Variants in TENM3 observed in about 807,000 individuals in gnomAD.
TENM3 encodes teneurin transmembrane protein 3, also known as teneurin-3.
Under a neutral mutation model 255.1 loss-of-function variants are expected in TENM3, and 63 were observed. The ratio of observed to expected loss-of-function variants is 0.25; its 90% CI spans 0.20 to 0.30. The LOEUF is 0.30. Among genes scored for constraint, TENM3 ranks in the 10% least tolerant of loss-of-function variants. The pLI is 1.00. For synonymous variants in TENM3, 1,306 were observed against 1,322.3 expected (o/e 0.99, Z 0.27); for missense variants, 2,929 against 3,461.1 (o/e 0.85, Z 3.86).
At chr4:181,450,473 C>T in the TENM3 span, among the ~76,000 whole-genome samples, 2 of 152,112 alleles carry the variant, frequency 1.3e-5, no homozygotes, top group Non-Finnish European at 2.9e-5. Flanking sequence ...TGAAAAAGGG[C>T]ATCTGCTCCT....
the TENM3 span, among the ~76,000 whole-genome samples, chr4:181,882,621 G>C: frequency 6.6e-6 from 1 of 152,200 alleles, no homozygotes; most frequent in African/African-American, 2.4e-5. Flanking sequence ...ACCTGGCATT[G>C]AAGACCTTCT....
intron 5 of TENM3, among the ~76,000 whole-genome samples, chr4:182,651,757 G>T (rs2152512640): frequency 6.6e-6 from 1 of 152,132 alleles, no homozygotes; most frequent in South Asian, 2.1e-4. Context: ...ACTTTAGCAG[G>T]GAGTGTGACT....
the TENM3 span, among the ~76,000 whole-genome samples, chr4:182,078,398 T>C: frequency 6.6e-6 from 1 of 152,112 alleles, no homozygotes; most frequent in African/African-American, 2.4e-5. Context: ...GGTGTGCACC[T>C]TTAGTCCCAG....
intron 3 of TENM3, among the ~76,000 whole-genome samples, chr4:182,526,455 A>C (rs1293821010): frequency 6.6e-6 from 1 of 152,002 alleles, no homozygotes; most frequent in Non-Finnish European, 1.5e-5. Context: ...AATCAAACAC[A>C]CGACTCTCTC....
At chr4:181,903,310 A>C in the TENM3 span, among the ~76,000 whole-genome samples, 1 of 152,216 alleles carries the variant, frequency 6.6e-6, no homozygotes, top group East Asian at 1.9e-4. Context: ...ACAACCTTGG[A>C]GGAAAGAACA....
At chr4:182,051,215 C>T in the TENM3 span, among the ~76,000 whole-genome samples, 4 of 151,642 alleles carry the variant, frequency 2.6e-5, no homozygotes, top group South Asian at 6.2e-4. Context: ...TGATGGCAAG[C>T]GCCTGTAATC....
upstream of TENM3, among the ~76,000 whole-genome samples, chr4:182,238,662 A>G (rs1000613583): frequency 2.0e-5 from 3 of 151,364 alleles, no homozygotes; most frequent in Non-Finnish European, 4.4e-5. Context: ...TAAGTGAAGG[A>G]ATGTTTCCCT....
At chr4:181,757,455 C>T in the TENM3 span, among the ~76,000 whole-genome samples, 3 of 152,106 alleles carry the variant, frequency 2.0e-5, no homozygotes, top group Admixed American at 6.6e-5. Flanking sequence ...AGCCTGAAAT[C>T]GTCAGGGTGC....
the TENM3 span, among the ~76,000 whole-genome samples, chr4:182,049,751 C>T: frequency 4.6e-5 from 7 of 152,148 alleles, no homozygotes; most frequent in Non-Finnish European, 8.8e-5. Flanking sequence ...ATCTCGGCAT[C>T]GGCGACAGCT....
the TENM3 span, among the ~76,000 whole-genome samples, chr4:181,715,394 A>T: frequency 6.6e-6 from 1 of 152,164 alleles, no homozygotes; most frequent in South Asian, 2.1e-4. Context: ...TACTATTGGG[A>T]TACATTCCTC....
At chr4:182,517,645 A>C (rs1738133838) in intron 3 of TENM3, among the ~76,000 whole-genome samples, 1 of 129,926 alleles carries the variant, frequency 7.7e-6, no homozygotes, top group African/African-American at 2.9e-5. Context: ...GGCCTCCCAA[A>C]GTGCTGGGAT....
intron 6 of TENM3, among the ~76,000 whole-genome samples, chr4:182,663,025 T>G (rs1754357643): frequency 6.6e-6 from 1 of 152,214 alleles, no homozygotes; most frequent in African/African-American, 2.4e-5. Flanking sequence ...TCAGTGGATC[T>G]TGCAGAGAAA....
At chr4:181,777,045 G>A in the TENM3 span, among the ~76,000 whole-genome samples, 1 of 151,962 alleles carries the variant, frequency 6.6e-6, no homozygotes, top group Non-Finnish European at 1.5e-5. Context: ...CTTCCTTCTA[G>A]TAGTTTTATA....
chr4:182,741,610 T>A lies in TENM3; in HGVS notation c.3380-1560T>A, dbSNP rs557861622. Among the ~76,000 whole-genome samples, 6 of 152,292 alleles carry A rather than the reference T, an allele frequency of 3.9e-5. No individual in the cohort carries two copies. The East Asian group carries it at 9.6e-4, about 24-fold the overall frequency. The stretch of plus-strand genomic sequence containing the variant: ...ACTGGCTCTTATAGGAAATTATAGC[T>A]CCATAATTATCAACTAACGTAATCA... On this transcript the variant is annotated intron_variant, in intron 18 of 27. Transcript: ENST00000511685.
intron 11 of TENM3, among the ~76,000 whole-genome samples, chr4:182,683,428 A>C (rs1051147058): frequency 6.6e-6 from 1 of 152,180 alleles, no homozygotes; most frequent in Admixed American, 6.5e-5. Flanking sequence ...AGCATTTCAG[A>C]TTTTGTATTT....
intron 13 of TENM3, among the ~76,000 whole-genome samples, chr4:182,714,717 G>A (rs931023487): frequency 2.6e-4 from 40 of 152,228 alleles, no homozygotes; most frequent in African/African-American, 9.6e-4. Flanking sequence ...CTTGATACTC[G>A]GTTAAAAAGA....
the TENM3 span, among the ~76,000 whole-genome samples, chr4:181,890,439 T>C: frequency 5.3e-5 from 8 of 152,086 alleles, no homozygotes; most frequent in Non-Finnish European, 1.2e-4. Context: ...AAAAAAAGAC[T>C]ACTAAAATAC....
At chr4:182,079,834 G>A in the TENM3 span, 19,812 of 152,280 alleles carry the variant, frequency 0.13, 1,354 homozygotes, top group Non-Finnish European at 0.16. Flanking sequence ...CATCTGACCG[G>A]GAAGGTCTCA....
the TENM3 span, among the ~76,000 whole-genome samples, chr4:182,107,818 C>A: frequency 6.6e-6 from 1 of 152,054 alleles, no homozygotes; most frequent in Non-Finnish European, 1.5e-5. Context: ...TCAGTCAGAG[C>A]CACTGTATAA....
Sources: allele counts gnomAD v4.1 joint callset (sites outside exome capture counted in the v4.1 genomes callset), GRCh38; gene constraint gnomAD v4.1.1; transcripts MANE v1.5; gene names NCBI Gene and HGNC (gene_info 2026-07-23, HGNC 2026-07-21).